The following ANAPC7 variants were observed in gnomAD, a reference collection of about 807,000 sequenced individuals.
The protein encoded by ANAPC7 is anaphase promoting complex subunit 7.
A neutral mutation model predicts 63.3 loss-of-function variants in ANAPC7; 25 were observed. The observed-to-expected ratio is 0.39, with a 90% confidence interval of 0.29 to 0.55. ANAPC7 has a LOEUF of 0.55. Among genes scored for constraint, ANAPC7 ranks in the 20% least tolerant of loss-of-function variants. The pLI is 0.57. For synonymous variants in ANAPC7, 241 were observed against 251.7 expected, an observed-to-expected ratio of 0.96 and a Z score of 0.40; for missense variants, 516 against 691.7, an observed-to-expected ratio of 0.75 and a Z score of 2.85.
At chr12:110,382,459 A>ATATATATATATATATGT (rs1229764014) in intron 7 of ANAPC7, among the ~76,000 whole-genome samples, 6 of 51,984 alleles carry the variant, frequency 1.2e-4, no homozygotes, top group African/African-American at 4.9e-4. Context: ...AAAAAAAAAA[A>ATATATATATATATATGT]AAATATATAT....
rs755224326 is a variant in ANAPC7 at position 110,396,329 on chromosome 12, C to T, written c.225G>A (p.Ala75=). The T allele has an allele frequency of 1.9e-5, 30 of 1,613,720 alleles. No individual in the cohort carries two copies. Among genetic ancestry groups the T allele is most frequent in the South Asian group, 1.6e-4 (15 of 91,022 alleles). The change falls in exon 2 of 11, where the codon GCG becomes GCA. Residue 75 remains alanine, a synonymous_variant. Transcript: ENST00000455511. ...KYTMALQQKK[A]LSKTSKVRPS... ...GTCTCACTTTTGAAGTTTTACTTAG[C>T]GCTTTCTTCTGCTGTAAAGCCATGG...
chr12:110,380,813 G>A (rs773853846), intron 8 of ANAPC7, among the ~76,000 whole-genome samples: 3 of 147,068 alleles, frequency 2.0e-5, no homozygotes, highest in Non-Finnish European at 3.0e-5. Flanking sequence ...AATTAGCCAG[G>A]TGTAATCCTA....
At chr12:110,374,577 T>TA (rs1420364124) in intron 10 of ANAPC7, among the ~76,000 whole-genome samples, 2 of 152,198 alleles carry the variant, frequency 1.3e-5, no homozygotes, top group African/African-American at 2.4e-5. Flanking sequence ...ACAAATTTCT[T>TA]AAACTTTTTC....
chr12:110,400,114 A>G (rs2062208181), intron 1 of ANAPC7, among the ~76,000 whole-genome samples: 1 of 152,110 alleles, frequency 6.6e-6, no homozygotes, highest in African/African-American at 2.4e-5. Context: ...AAAAAAAACA[A>G]CAAAAAGAGT....
chr12:110,399,523 A>AG (rs2062194233), intron 1 of ANAPC7, among the ~76,000 whole-genome samples: 1 of 151,738 alleles, frequency 6.6e-6, no homozygotes, highest in Admixed American at 6.6e-5. Flanking sequence ...ACAATTGGAG[A>AG]GTGATTACTA....
At position 110,381,875 on chromosome 12, in the gene ANAPC7, T is replaced by C. The variant is rs763538022; in HGVS notation, c.1009A>G (p.Asn337Asp). ...LGAKAIQLNS[N>D]SVQALLLKGA... Reference sequence around the variant, plus strand: ...TTAAGTAGCAGAGCTTGAACACTATTACTGTTCAGCTGAATGGCCTTGGCT... The same window carrying C: ...TTAAGTAGCAGAGCTTGAACACTATCACTGTTCAGCTGAATGGCCTTGGCT... Residue 337 changes from asparagine (N) to aspartate (D), a missense_variant, in exon 8 of 11, where the codon AAT becomes GAT. Coordinates refer to ENST00000455511, the MANE Select transcript of ANAPC7 (RefSeq NM_016238.3). The C allele has an allele frequency of 1.2e-5, 20 of 1,612,832 alleles. 1 individual carries two copies. Among genetic ancestry groups the C allele is most frequent in the Non-Finnish European group, 1.7e-5 (20 of 1,179,738 alleles).
chr12:110,401,308 G>T (rs946287297), intron 1 of ANAPC7, among the ~76,000 whole-genome samples: 5 of 152,180 alleles, frequency 3.3e-5, no homozygotes, highest in Non-Finnish European at 5.9e-5. Context: ...TATTGGATGT[G>T]TGAACTTGGA....
Position 110,396,763 on chromosome 12 carries a change from C to T in ANAPC7, c.102-311G>A, listed in dbSNP as rs146123778. Among the ~76,000 whole-genome samples, 299 of 151,956 alleles carry T rather than the reference C, an allele frequency of 2.0e-3. 3 individuals are homozygous for T. The highest frequency in any genetic ancestry group is 6.5e-3 in the African/African-American group (270 of 41,452). On this transcript the variant is annotated intron_variant, in intron 1 of 10. Transcript: ENST00000455511. ...CTCCCGACCTCAAGTGATCTACCTG[C>T]GTCGGCCTCCCAAAGTGCTGGGATT...
intron 1 of ANAPC7, among the ~76,000 whole-genome samples, chr12:110,399,967 G>A (rs2062205392): frequency 6.6e-6 from 1 of 151,520 alleles, no homozygotes; most frequent in South Asian, 2.1e-4. Flanking sequence ...GGTGGTGGGC[G>A]CCTGTAATCC....
chr12:110,377,360 T>C (rs1157731815), intron 9 of ANAPC7, 33 bp downstream of exon 9: 3 of 1,582,532 alleles, frequency 1.9e-6, no homozygotes, highest in East Asian at 4.5e-5. Context: ...TAAAAATTAA[T>C]GATGAACAGG....
At chr12:110,383,079 A>G in intron 6 of ANAPC7, 119 bp from the exon 7 acceptor site, 5 of 658,648 alleles carry the variant, frequency 7.6e-6, no homozygotes, top group South Asian at 2.1e-5. Flanking sequence ...GCAGGGGCTA[A>G]GCCCTTTCCA....
In ANAPC7 at chr12:110,399,210, G is replaced by A. The variant is rs567387343; in HGVS notation, c.102-2758C>T. 2.6e-5 allele frequency among the ~76,000 whole-genome samples: 4 copies of A among 151,690 alleles called. No individual in the cohort carries two copies. In the East Asian group the frequency reaches 6.0e-4, roughly 23 times the overall value. ...TAATTTTTGTATTTTTGGTAGAGACGGGGTTTCGCCATGTTGGCCATCGCT... is the reference window on the plus strand; with the variant it reads ...TAATTTTTGTATTTTTGGTAGAGACAGGGTTTCGCCATGTTGGCCATCGCT... On this transcript the variant is annotated intron_variant, in intron 1 of 10. Coordinates refer to ENST00000455511, the MANE Select transcript of ANAPC7 (RefSeq NM_016238.3).
At chr12:110,396,100 C>G (rs1029049833) in intron 2 of ANAPC7, among the ~76,000 whole-genome samples, 166 bp downstream of exon 2, 1 of 152,078 alleles carries the variant, frequency 6.6e-6, no homozygotes, top group Non-Finnish European at 1.5e-5. Context: ...GCTGATCTGA[C>G]AGGAGGCGGA....
At chr12:110,396,160 C>A in intron 2 of ANAPC7, 106 bp downstream of exon 2, 1 of 993,326 alleles carries the variant, frequency 1.0e-6, no homozygotes, top group East Asian at 2.5e-5. Flanking sequence ...TGCTGTGCAG[C>A]CTGGTTCCTA....
intron 8 of ANAPC7, among the ~76,000 whole-genome samples, chr12:110,379,972 T>C (rs548319231): frequency 1.3e-5 from 2 of 152,146 alleles, no homozygotes; most frequent in Non-Finnish European, 2.9e-5. Context: ...AACAGACCCA[T>C]TCCCACAGCC....
chr12:110,385,884 T>C (rs538611025), intron 6 of ANAPC7, among the ~76,000 whole-genome samples: 2 of 152,306 alleles, frequency 1.3e-5, no homozygotes, highest in South Asian at 4.1e-4. Context: ...TCAAGATCAG[T>C]GATTTTTCTG....
intron 5 of ANAPC7, chr12:110,387,221 G>GAA (rs1882535468): frequency 2.9e-5 from 4 of 138,256 alleles, no homozygotes; most frequent in Non-Finnish European, 4.7e-5. Context: ...CTGGGAGAGA[G>GAA]AGAGAGAGAG....
chr12:110,388,627 T>C lies in ANAPC7; in HGVS notation c.409-4A>G. 1 of 1,604,920 alleles carries C rather than the reference T, an allele frequency of 6.2e-7. No individual in the cohort carries two copies. On this transcript the variant is annotated splice_polypyrimidine_tract_variant and splice_region_variant and intron_variant, in intron 3 of 10. Coordinates refer to ENST00000455511, the MANE Select transcript of ANAPC7 (RefSeq NM_016238.3). ...GGTTTGCCAGCATCATGTTTATCTG[T>C]ACAAACACAAATAACAGATAGCAAA...
intron 7 of ANAPC7, among the ~76,000 whole-genome samples, chr12:110,382,633 G>A (rs1314881623): frequency 6.6e-6 from 1 of 150,994 alleles, no homozygotes; most frequent in Non-Finnish European, 1.5e-5. Context: ...GCAGTGGCAC[G>A]ATCTTGGCTC....
Sources: allele counts gnomAD v4.1 joint callset (sites outside exome capture counted in the v4.1 genomes callset), GRCh38; gene constraint gnomAD v4.1.1; transcripts MANE v1.5; gene names NCBI Gene and HGNC (gene_info 2026-07-23, HGNC 2026-07-21).